Variants in IGLL5 observed in about 807,000 individuals in gnomAD.
The protein encoded by IGLL5 is immunoglobulin lambda like polypeptide 5.
IGLL5 carries 30 observed loss-of-function variants against 20.9 expected under a neutral mutation model. The ratio of observed to expected loss-of-function variants is 1.44; its 90% CI spans 1.07 to 1.95. The LOEUF (loss-of-function observed/expected upper bound fraction) is 1.95. Ranked by LOEUF, IGLL5 falls within the 30% of genes most tolerant of loss-of-function variation. The pLI is 0.00. For synonymous variants in IGLL5, 203 were observed against 117.3 expected (o/e 1.73, Z -4.72); for missense variants, 475 against 270.7 (o/e 1.75, Z -5.30).
intron 1 of IGLL5, among the ~76,000 whole-genome samples, 199 bp downstream of exon 1, chr22:22,888,458 G>C (rs148441314): frequency 1.7e-3 from 251 of 151,350 alleles, no homozygotes; most frequent in African/African-American, 5.7e-3. Flanking sequence ...ATCATATTAC[G>C]ATATTATTTT....
intron 2 of IGLL5, among the ~76,000 whole-genome samples, chr22:22,894,556 C>G (rs2066667504): frequency 6.6e-6 from 1 of 151,550 alleles, no homozygotes; most frequent in East Asian, 2.0e-4. Flanking sequence ...ACGGATCGGC[C>G]TCCTGCCTTC....
In IGLL5 at chr22:22,888,132, C is replaced by G. The variant is rs777349722; in HGVS notation, c.79C>G (p.Leu27Val). 19 of 1,549,626 alleles carry G rather than the reference C, an allele frequency of 1.2e-5. 1 individual carries two copies. The highest frequency in any genetic ancestry group is 1.7e-4 in the Middle Eastern group (1 of 5,936). Reference protein sequence around the residue: ...GPGPRQRWPLLLLGLAMVAHG... With the variant: ...GPGPRQRWPLVLLGLAMVAHG... The stretch of plus-strand genomic sequence containing the variant: ...TGGTCCCAGGCAGCGCTGGCCCCTG[C>G]TGCTGCTGGGTCTGGCCATGGTCGC... Residue 27 changes from leucine to valine, a missense_variant, in exon 1 of 3, where the codon CTG becomes GTG. Leu to Val is a conservative substitution (Grantham distance 32). Transcript: ENST00000526893.
intron 2 of IGLL5, 44 bp downstream of exon 2, chr22:22,893,862 G>T (rs776559613): frequency 3.0e-6 from 4 of 1,326,932 alleles, no homozygotes; most frequent in Middle Eastern, 1.8e-4. Flanking sequence ...ACCCTCTGCT[G>T]TCCCTGGAAA....
chr22:22,888,910 G>C (rs2067663484), intron 1 of IGLL5, among the ~76,000 whole-genome samples: 1 of 151,236 alleles, frequency 6.6e-6, no homozygotes, highest in Admixed American at 6.6e-5. Context: ...ACAGATCGAG[G>C]GGCACTGGCT....
chr22:22,888,411 T>C (rs2067593603), intron 1 of IGLL5, among the ~76,000 whole-genome samples, 152 bp downstream of exon 1: 1 of 151,498 alleles, frequency 6.6e-6, no homozygotes, highest in African/African-American at 2.4e-5. Flanking sequence ...GTTGATATTT[T>C]GTCCATCACA....
chr22:22,889,401 T>C (rs2145995376), intron 1 of IGLL5, among the ~76,000 whole-genome samples: 1 of 151,196 alleles, frequency 6.6e-6, no homozygotes, highest in Non-Finnish European at 1.5e-5. Context: ...CAAAGTGTGT[T>C]TATCTAAACT....
At chr22:22,890,883 T>A (rs997109797) in intron 1 of IGLL5, among the ~76,000 whole-genome samples, 1 of 151,208 alleles carries the variant, frequency 6.6e-6, no homozygotes, top group African/African-American at 2.4e-5. Flanking sequence ...TATTTTTATT[T>A]ATTGGTTTTA....
chr22:22,888,402 T>C (rs188021199), intron 1 of IGLL5, 143 bp downstream of exon 1: 24 of 655,014 alleles, frequency 3.7e-5, no homozygotes, highest in Middle Eastern at 4.2e-4. Context: ...TAGTAATGGG[T>C]TGATATTTTG....
At chr22:22,889,162 G>A (rs529648462) in intron 1 of IGLL5, among the ~76,000 whole-genome samples, 2 of 151,176 alleles carry the variant, frequency 1.3e-5, no homozygotes, top group East Asian at 4.1e-4. Flanking sequence ...AGAGGAGGGA[G>A]GAGAGGGGGT....
intron 1 of IGLL5, among the ~76,000 whole-genome samples, chr22:22,889,961 T>C (rs2067766027): frequency 6.6e-6 from 1 of 151,134 alleles, no homozygotes. Context: ...AAAATGTCAA[T>C]GGTGTGTCTG....
intron 1 of IGLL5, 54 bp downstream of exon 1, chr22:22,888,313 A>C: frequency 2.7e-6 from 4 of 1,501,550 alleles, no homozygotes; most frequent in Non-Finnish European, 2.7e-6. Flanking sequence ...GAGCTGGGAA[A>C]GGGTGACCAA....
chr22:22,894,872 G>A (rs2066704208), intron 2 of IGLL5, among the ~76,000 whole-genome samples: 1 of 151,372 alleles, frequency 6.6e-6, no homozygotes, highest in Non-Finnish European at 1.5e-5. Flanking sequence ...CGGTGCCTGT[G>A]AGGGATAGGA....
At chr22:22,891,705 C>A (rs1446414696) in intron 1 of IGLL5, among the ~76,000 whole-genome samples, 1 of 151,276 alleles carries the variant, frequency 6.6e-6, no homozygotes, top group Admixed American at 6.6e-5. Context: ...TTTATTCATG[C>A]AAATCTTGCA....
intron 2 of IGLL5, among the ~76,000 whole-genome samples, chr22:22,894,445 A>G (rs137994100): frequency 7.3e-5 from 11 of 151,280 alleles, no homozygotes; most frequent in South Asian, 4.2e-4. Flanking sequence ...CCAGAATCCA[A>G]CCCTCCCAGG....
intron 1 of IGLL5, among the ~76,000 whole-genome samples, chr22:22,889,273 G>A (rs1601607267): frequency 6.6e-6 from 1 of 151,194 alleles, no homozygotes; most frequent in South Asian, 2.1e-4. Flanking sequence ...AGTTTCCTAT[G>A]AAATGGGAGC....
chr22:22,895,303 G>C, intron 2 of IGLL5, 72 bp from the exon 3 acceptor site: 4 of 1,414,600 alleles, frequency 2.8e-6, no homozygotes, highest in Non-Finnish European at 3.9e-6. Flanking sequence ...AGAGACTTTA[G>C]ACAGAGAGAG....
At chr22:22,890,444 AT>A (rs2146007345) in intron 1 of IGLL5, among the ~76,000 whole-genome samples, 1 of 150,632 alleles carries the variant, frequency 6.6e-6, no homozygotes, top group Admixed American at 6.7e-5. Flanking sequence ...GTCCATATGG[AT>A]TAACCACATT....
At chr22:22,894,646 A>C (rs536302127) in intron 2 of IGLL5, among the ~76,000 whole-genome samples, 2 of 149,650 alleles carry the variant, frequency 1.3e-5, no homozygotes, top group African/African-American at 4.9e-5. Flanking sequence ...CTACCAGGTG[A>C]AGTTTGGGGT....
At chr22:22,893,051 C>A (rs1448900361) in intron 1 of IGLL5, among the ~76,000 whole-genome samples, 1 of 151,106 alleles carries the variant, frequency 6.6e-6, no homozygotes, top group African/African-American at 2.4e-5. Context: ...GGGATCCTGC[C>A]ATGTCCCAGC....
Sources: gnomAD v4.1 joint callset for allele counts (sites outside exome capture counted in the v4.1 genomes callset) on GRCh38, gnomAD v4.1.1 for gene constraint, MANE v1.5 for transcripts, NCBI Gene and HGNC (gene_info 2026-07-23, HGNC 2026-07-21) for gene names.